Variants in THEMIS observed in about 807,000 individuals in gnomAD.
The protein encoded by THEMIS is thymocyte selection associated.
In THEMIS, 37 loss-of-function variants were observed where a neutral mutation model predicts 52.6. That is an observed-to-expected ratio of 0.70 (90% confidence interval 0.54 to 0.93). The LOEUF is 0.93. Ranked by LOEUF, THEMIS falls within the 40% of genes least tolerant of loss-of-function variation. THEMIS has a pLI of 0.00. For synonymous variants in THEMIS, 292 were observed against 272.7 expected, an observed-to-expected ratio of 1.07 and a Z score of -0.70; for missense variants, 808 against 763.1, an observed-to-expected ratio of 1.06 and a Z score of -0.69.
At chr6:127,895,241 G>A (rs1342017496) in intron 1 of THEMIS, among the ~76,000 whole-genome samples, 1 of 151,260 alleles carries the variant, frequency 6.6e-6, no homozygotes, top group Admixed American at 6.6e-5. Context: ...AACTTTAGAT[G>A]ATTTTCTTTA....
At chr6:127,746,937 A>C (rs1319578815) in intron 4 of THEMIS, among the ~76,000 whole-genome samples, 1 of 82,952 alleles carries the variant, frequency 1.2e-5, no homozygotes, top group Non-Finnish European at 2.1e-5. Flanking sequence ...ATCTATAATT[A>C]TATTATATAT....
At chr6:127,835,005 G>C (rs752463958) in intron 2 of THEMIS, among the ~76,000 whole-genome samples, 5 of 152,144 alleles carry the variant, frequency 3.3e-5, no homozygotes, top group Non-Finnish European at 7.3e-5. Flanking sequence ...TGAGGAGAGA[G>C]AATGTGAGAA....
rs1374051800 is a variant in THEMIS, at chr6:127,767,460, T to C, written c.1758+45423A>G. On this transcript the variant is annotated intron_variant, in intron 4 of 5. Transcript: ENST00000368248. ...TGTTTAAAATTTTTATTTTTATTTT[T>C]ACTTTTACTATTTAACTAAGACCCA... 3.9e-5 allele frequency among the ~76,000 whole-genome samples: 6 copies of C among 152,256 alleles called. No homozygotes were observed. In the South Asian group the frequency reaches 1.2e-3, roughly 32 times the overall value.
chr6:127,773,935 C>G lies in THEMIS; in HGVS notation c.1758+38948G>C, dbSNP rs148847784. Among the ~76,000 whole-genome samples, 14 of 152,212 alleles carry G rather than the reference C, an allele frequency of 9.2e-5. No individual in the cohort carries two copies. In the East Asian group the frequency reaches 2.7e-3, roughly 29 times the overall value. On this transcript the variant is annotated intron_variant, in intron 4 of 5. Transcript: ENST00000368248. ...CACTGCAAAACTTAATAATTTAAAA[C>G]GAGATAATTTTATTGTCTCCACCAT... is the stretch of plus-strand genomic sequence containing the variant.
downstream of THEMIS, among the ~76,000 whole-genome samples, chr6:127,703,208 C>G (rs183487572): frequency 6.6e-6 from 1 of 151,050 alleles, no homozygotes; most frequent in African/African-American, 2.4e-5. Context: ...CCACTACGCC[C>G]GGCTAATTTT....
intron 4 of THEMIS, among the ~76,000 whole-genome samples, chr6:127,809,412 T>G (rs1177461206): frequency 6.6e-6 from 1 of 152,162 alleles, no homozygotes; most frequent in Non-Finnish European, 1.5e-5. Context: ...TCTGTTTACA[T>G]TCTATAAACA....
At position 127,813,840 on chromosome 6, in the gene THEMIS, C is replaced by T. The variant is rs376261104; in HGVS notation, c.801G>A (p.Leu267=). 6.8e-5 allele frequency: 109 copies of T among 1,613,622 alleles called. No homozygotes were observed. Among genetic ancestry groups the T allele is most frequent in the Non-Finnish European group, 8.9e-5 (105 of 1,179,872 alleles). The part of the protein sequence containing the change: ...DSYDANWFLQ[L]LSTEDLFEMT... ...TTTCAAAAAGATCTTCTGTTGATAA[C>T]AGCTGAAGAAACCAGTTAGCATCGT... is the stretch of plus-strand genomic sequence containing the variant. Residue 267 remains leucine, a synonymous_variant, in exon 4 of 6, where the codon CTG becomes CTA. Transcript: ENST00000368248.
intron 2 of THEMIS, among the ~76,000 whole-genome samples, chr6:127,849,652 A>G (rs1779351316): frequency 1.3e-5 from 2 of 151,896 alleles, no homozygotes; most frequent in South Asian, 4.1e-4. Flanking sequence ...GAAACAATAT[A>G]ATATTCAATA....
intron 2 of THEMIS, among the ~76,000 whole-genome samples, chr6:127,840,566 T>C (rs1296511374): frequency 6.6e-6 from 1 of 152,160 alleles, no homozygotes; most frequent in Admixed American, 6.6e-5. Context: ...ACAACATGCA[T>C]GTGTTACTTG....
chr6:127,759,571 C>A (rs1307583299), intron 4 of THEMIS, among the ~76,000 whole-genome samples: 1 of 152,134 alleles, frequency 6.6e-6, no homozygotes, highest in Non-Finnish European at 1.5e-5. Context: ...ATGTTAATAA[C>A]CTTAGAGTCA....
At chr6:127,792,032 G>A (rs577111462) in intron 4 of THEMIS, among the ~76,000 whole-genome samples, 7 of 152,286 alleles carry the variant, frequency 4.6e-5, no homozygotes, top group African/African-American at 1.7e-4. Context: ...AGCTGCCCCT[G>A]GGAGGGCAGG....
chr6:127,725,804 T>G (rs1040391765), intron 4 of THEMIS, among the ~76,000 whole-genome samples: 11 of 152,098 alleles, frequency 7.2e-5, no homozygotes, highest in African/African-American at 2.7e-4. Flanking sequence ...CCCAAAGACA[T>G]GCTATCTTTT....
At chr6:127,904,543 C>T (rs184215328), upstream of THEMIS, among the ~76,000 whole-genome samples, 299 of 152,090 alleles carry the variant, frequency 2.0e-3, no homozygotes, top group Non-Finnish European at 3.1e-3. Context: ...CAGATAGAAG[C>T]AAATGTAAAT....
chr6:127,868,377 G>T, intron 1 of THEMIS: 1 of 944,740 alleles, frequency 1.1e-6, no homozygotes, highest in Non-Finnish European at 1.3e-6. Flanking sequence ...AATAAAAATT[G>T]GTATTTTCTT....
At chr6:127,900,308 T>C (rs1781099040) in intron 1 of THEMIS, among the ~76,000 whole-genome samples, 1 of 152,018 alleles carries the variant, frequency 6.6e-6, no homozygotes, top group African/African-American at 2.4e-5. Flanking sequence ...CTTGTAGCAA[T>C]AATTTCTATA....
intron 2 of THEMIS, among the ~76,000 whole-genome samples, chr6:127,841,141 C>T (rs1204661580): frequency 6.6e-6 from 1 of 151,964 alleles, no homozygotes; most frequent in African/African-American, 2.4e-5. Context: ...CTACTTGCAA[C>T]AAATGTACCA....
the THEMIS span, among the ~76,000 whole-genome samples, chr6:127,702,588 C>T: frequency 6.6e-6 from 1 of 150,376 alleles, no homozygotes; most frequent in African/African-American, 2.4e-5. Flanking sequence ...ACCATCTCAG[C>T]AACTTTCTCT....
At position 127,792,036 on chromosome 6, in the gene THEMIS, G is replaced by A. The variant is rs556429757; in HGVS notation, c.1758+20847C>T. Among the ~76,000 whole-genome samples, 3 of 152,280 alleles carry A rather than the reference G, an allele frequency of 2.0e-5. No homozygotes were observed. In the East Asian group the frequency reaches 5.8e-4, roughly 30 times the overall value. ...TGCTCTGCCACAGCTGCCCCTGGGA[G>A]GGCAGGGCTCCAGCTCCTCCAACTT... is the stretch of plus-strand genomic sequence containing the variant. On this transcript the variant is annotated intron_variant, in intron 4 of 5. Transcript: ENST00000368248.
intron 1 of THEMIS, among the ~76,000 whole-genome samples, chr6:127,899,903 T>TTC: frequency 6.9e-6 from 1 of 144,534 alleles, no homozygotes; most frequent in African/African-American, 2.5e-5. Context: ...TGTGTATATT[T>TTC]TATATATATA....
Sources: gnomAD v4.1 joint callset for allele counts (sites outside exome capture counted in the v4.1 genomes callset) on GRCh38, gnomAD v4.1.1 for gene constraint, MANE v1.5 for transcripts, NCBI Gene and HGNC (gene_info 2026-07-23, HGNC 2026-07-21) for gene names.